GREB1: variants seen among roughly 807,000 people sequenced by gnomAD.
The protein encoded by GREB1 is protein GREB1.
GREB1 carries 106 observed loss-of-function variants against 200.7 expected under a neutral mutation model. That is an observed-to-expected ratio of 0.53 (90% CI 0.45 to 0.62). The LOEUF (loss-of-function observed/expected upper bound fraction) is 0.62. Ranked by LOEUF, GREB1 falls within the 20% of genes least tolerant of loss-of-function variation. The probability of loss-of-function intolerance (pLI) is 0.00; values close to 1 mark genes in which losing one functional copy is unlikely to be tolerated. For synonymous variants in GREB1, 1,132 were observed against 1,092.4 expected (o/e 1.04, Z -0.72); for missense variants, 2,243 against 2,556.8 (o/e 0.88, Z 2.65).
chr2:11,558,000 G>A (rs528110971), intron 2 of GREB1, among the ~76,000 whole-genome samples: 1 of 152,280 alleles, frequency 6.6e-6, no homozygotes, highest in South Asian at 2.1e-4. Flanking sequence ...GTATTGAAGA[G>A]CTTTGTGGCT....
intron 30 of GREB1, among the ~76,000 whole-genome samples, chr2:11,636,845 T>TGGGCAGAGGCAG (rs1397375614): frequency 2.0e-5 from 1 of 50,832 alleles, no homozygotes; most frequent in East Asian, 6.0e-4. Flanking sequence ...GGCAGGGACA[T>TGGGCAGAGGCAG]GGGCAGAGGC....
chr2:11,610,676 T>C lies in GREB1; in HGVS notation c.2667-12T>C. 1 of 1,598,844 alleles carries C rather than the reference T, an allele frequency of 6.3e-7. No individual in the cohort carries two copies. Among genetic ancestry groups the C allele is most frequent in the Non-Finnish European group, 8.5e-7 (1 of 1,170,748 alleles). On this transcript the variant is annotated splice_polypyrimidine_tract_variant and intron_variant, in intron 17 of 32. Transcript: ENST00000381486. ...GGCCGTCACAGACATGGTCTCTCTG[T>C]GTTCCTTGCAGGTTCCCCCGCCTGC...
chr2:11,542,476 G>T (rs927257303), intron 1 of GREB1, among the ~76,000 whole-genome samples: 1 of 152,168 alleles, frequency 6.6e-6, no homozygotes, highest in African/African-American at 2.4e-5. Context: ...GCTCTGAGAG[G>T]AACGAGGGGA....
chr2:11,578,429 C>T lies in GREB1; in HGVS notation c.770C>T (p.Ala257Val). ...AGCATCCTGATGGGAGCTCAGCAGG[C>T]AGGTGAGGTGGTGGAGACACACCAG... The part of the protein sequence containing the change: ...NPSILMGAQQ[A>V]GPASDHPSLN... The change falls in exon 6 of 33, where the codon GCA becomes GTA. Residue 257 changes from alanine to valine, a missense_variant and splice_region_variant. Physicochemically the swap from Ala to Val is moderately conservative, Grantham distance 64. Coordinates refer to ENST00000381486, the MANE Select transcript of GREB1 (RefSeq NM_014668.4). The T allele has an allele frequency of 1.9e-6, 3 of 1,613,714 alleles. No individual in the cohort carries two copies. The highest frequency in any genetic ancestry group is 2.5e-6 in the Non-Finnish European group (3 of 1,179,992).
upstream of GREB1, among the ~76,000 whole-genome samples, chr2:11,533,164 A>C (rs967075063): frequency 6.6e-6 from 1 of 152,198 alleles, no homozygotes; most frequent in African/African-American, 2.4e-5. Flanking sequence ...CATCCCAATT[A>C]TTCATTTTTG....
upstream of GREB1, among the ~76,000 whole-genome samples, chr2:11,533,711 T>G (rs1172503831): frequency 1.3e-5 from 2 of 152,174 alleles, no homozygotes; most frequent in Non-Finnish European, 2.9e-5. Context: ...CGTTTTGGGG[T>G]AGCCAGAAAC....
chr2:11,632,352 T>G (rs1312655510), intron 27 of GREB1, among the ~76,000 whole-genome samples: 75 of 148,250 alleles, frequency 5.1e-4, no homozygotes, highest in Middle Eastern at 3.4e-3. Flanking sequence ...TTTTTTTTTT[T>G]TTTTGAGATG....
chr2:11,483,000 G>T (rs1013433780), intron 1 of GREB1, among the ~76,000 whole-genome samples: 1 of 151,398 alleles, frequency 6.6e-6, no homozygotes, highest in Non-Finnish European at 1.5e-5. Flanking sequence ...CGGGCGGAGC[G>T]GGGGCGCGGG....
intron 15 of GREB1, 21 bp downstream of exon 15, chr2:11,598,881 G>T (rs773381828): frequency 1.9e-6 from 3 of 1,590,794 alleles, no homozygotes; most frequent in South Asian, 1.1e-5. Flanking sequence ...CTTGATATAT[G>T]ACAAGTTGAC....
intron 1 of GREB1, among the ~76,000 whole-genome samples, chr2:11,489,097 A>G (rs1390359802): frequency 1.3e-5 from 2 of 152,176 alleles, no homozygotes; most frequent in Non-Finnish European, 2.9e-5. Flanking sequence ...GGAACTTATG[A>G]AACTCTGGAT....
chr2:11,583,147 C>T (rs187988058), intron 7 of GREB1, among the ~76,000 whole-genome samples: 43 of 152,308 alleles, frequency 2.8e-4, no homozygotes, highest in Admixed American at 5.9e-4. Context: ...AGCTCACGGG[C>T]TTAGGGTCTA....
intron 11 of GREB1, among the ~76,000 whole-genome samples, chr2:11,594,209 A>C (rs9678410): frequency 0.6 from 91,272 of 151,360 alleles, 29,457 homozygotes; most frequent in African/African-American, 0.86. Context: ...AGGGTTTTGC[A>C]ATGTTGCCCA....
intron 9 of GREB1, chr2:11,587,569 A>T (rs1337447928): frequency 2.0e-6 from 3 of 1,513,366 alleles, no homozygotes; most frequent in Non-Finnish European, 2.7e-6. Flanking sequence ...TGTCTTTGAG[A>T]ACGTGACCTG....
At chr2:11,552,958 C>A (rs180996880) in intron 1 of GREB1, among the ~76,000 whole-genome samples, 9,428 of 142,256 alleles carry the variant, frequency 0.066, 300 homozygotes, top group Middle Eastern at 0.091. Flanking sequence ...TGCAGTGAGT[C>A]GAGATCGCGC....
At chr2:11,576,658 A>C (rs1399986845) in intron 5 of GREB1, 123 bp downstream of exon 5, 1 of 689,302 alleles carries the variant, frequency 1.5e-6, no homozygotes, top group African/African-American at 1.8e-5. Context: ...GCAAAAGGCC[A>C]GGCCTATGAA....
Position 11,640,096 on chromosome 2 carries a change from T to C in GREB1, c.5687-195T>C, listed in dbSNP as rs1347447613. On this transcript the variant is annotated intron_variant, in intron 32 of 32. Transcript: ENST00000381486. The surrounding 1 kb of genome is among the most constrained non-coding windows in gnomAD (Gnocchi z 4.6). ...CTCCGTGTTTTCTCCCCCGCACACC[T>C]GCCACATCCCAGCCACACTCCTGTC... Among the ~76,000 whole-genome samples, 1 of 152,196 alleles carries C rather than the reference T, an allele frequency of 6.6e-6. No individual in the cohort carries two copies. Among genetic ancestry groups the C allele is most frequent in the Non-Finnish European group, 1.5e-5 (1 of 68,034 alleles).
In GREB1 at chr2:11,615,214, T is replaced by G; in HGVS notation, c.3246T>G (p.Ala1082=). The G allele has an allele frequency of 6.2e-7, 1 of 1,613,874 alleles. No individual in the cohort carries two copies. Among genetic ancestry groups the G allele is most frequent in the Non-Finnish European group, 8.5e-7 (1 of 1,179,886 alleles). The change falls in exon 20 of 33, where the codon GCT becomes GCG. Residue 1082 remains alanine, a synonymous_variant. Coordinates refer to ENST00000381486, the MANE Select transcript of GREB1 (RefSeq NM_014668.4). ...VSNEVPLEKG[A]RNEALESDAE... ...ACGAGGTTCCCTTGGAGAAGGGGGC[T>G]AGGAACGAGGCCTTGGAGAGTGATG... is the stretch of plus-strand genomic sequence containing the variant.
At position 11,546,316 on chromosome 2, in the gene GREB1, T is replaced by C. The variant is rs542446999; in HGVS notation, c.-161-10138T>C. ...TGTTGGAAGAAAATTTCCTGGCACA[T>C]AGTATACAGGAAAGAAATATTGGTT... On this transcript the variant is annotated intron_variant, in intron 1 of 32. Transcript: ENST00000381486. Among the ~76,000 whole-genome samples the C allele has an allele frequency of 1.7e-4, 26 of 152,330 alleles. No homozygotes were observed. The South Asian group carries it at 5.4e-3, about 32-fold the overall frequency.
chr2:11,504,584 AT>A (rs1489373711), intron 1 of GREB1, among the ~76,000 whole-genome samples: 1 of 152,054 alleles, frequency 6.6e-6, no homozygotes, highest in Non-Finnish European at 1.5e-5. Flanking sequence ...TTCTGTCTCT[AT>A]GGATTTTGCT....
Sources: allele counts gnomAD v4.1 joint callset (sites outside exome capture counted in the v4.1 genomes callset), GRCh38; gene constraint gnomAD v4.1.1; non-coding constraint Gnocchi (gnomAD v3.1); transcripts MANE v1.5; gene names NCBI Gene and HGNC (gene_info 2026-07-23, HGNC 2026-07-21).